Variants in ANKS1B observed in about 807,000 individuals in gnomAD.
The protein encoded by ANKS1B is ankyrin repeat and sterile alpha motif domain-containing protein 1B.
Under a neutral mutation model 148.3 loss-of-function variants are expected in ANKS1B, and 36 were observed. That is an observed-to-expected ratio of 0.24 (90% CI 0.19 to 0.32). The LOEUF (loss-of-function observed/expected upper bound fraction) is 0.32. ANKS1B is among the 10% of genes least tolerant of loss of function. ANKS1B has a pLI of 1.00. For missense variants in ANKS1B, 1,157 were observed against 1,542.6 expected, an observed-to-expected ratio of 0.75 and a Z score of 4.19; for synonymous variants, 542 against 560.8, an observed-to-expected ratio of 0.97 and a Z score of 0.47.
intron 9 of ANKS1B, among the ~76,000 whole-genome samples, chr12:99,608,379 G>T (rs2097867541): frequency 6.6e-6 from 1 of 152,054 alleles, no homozygotes; most frequent in Admixed American, 6.6e-5. Context: ...AACACCTGAG[G>T]CTTCTCTTAT....
intron 11 of ANKS1B, among the ~76,000 whole-genome samples, chr12:99,423,880 T>A (rs1032564637): frequency 6.6e-6 from 1 of 152,116 alleles, no homozygotes; most frequent in African/African-American, 2.4e-5. Flanking sequence ...GAAAAATAGC[T>A]AATGGGTACT....
chr12:99,741,892 A>G (rs2060148903), intron 8 of ANKS1B, among the ~76,000 whole-genome samples: 1 of 152,096 alleles, frequency 6.6e-6, no homozygotes. Context: ...AAGTATAATG[A>G]AAATAAATAA....
At position 99,649,386 on chromosome 12, in the gene ANKS1B, A is replaced by G. The variant is rs1478343527; in HGVS notation, c.1272+5681T>C. 6 of 1,613,424 alleles carry G rather than the reference A, an allele frequency of 3.7e-6. No individual in the cohort carries two copies. The East Asian group carries it at 1.1e-4, about 30-fold the overall frequency. ...TTGGGTCCACCTATTGTGATTATAC[A>G]ATAGAGATATGAATCCAACATACCT... On this transcript the variant is annotated intron_variant, in intron 9 of 26. Transcript: ENST00000683438.
intron 1 of ANKS1B, among the ~76,000 whole-genome samples, chr12:99,919,779 TAA>T (rs61076587): frequency 9.7e-5 from 13 of 134,486 alleles, no homozygotes; most frequent in African/African-American, 2.7e-4. Context: ...GCTGCAGAGT[TAA>T]AAAAAAAAAA....
intron 12 of ANKS1B, among the ~76,000 whole-genome samples, chr12:99,374,227 T>C (rs748085892): frequency 4.2e-4 from 64 of 152,306 alleles, no homozygotes; most frequent in Admixed American, 9.8e-4. Flanking sequence ...TAATGTTGTT[T>C]CATTCAAATG....
chr12:99,425,877 A>G (rs1553265), intron 11 of ANKS1B, among the ~76,000 whole-genome samples: 1 of 148,760 alleles, frequency 6.7e-6, no homozygotes, highest in Non-Finnish European at 1.5e-5. Flanking sequence ...CTATTTTAAT[A>G]AAGTTTTTTT....
chr12:99,942,622 C>T (rs1201490006), intron 1 of ANKS1B, among the ~76,000 whole-genome samples: 1 of 151,906 alleles, frequency 6.6e-6, no homozygotes, highest in Non-Finnish European at 1.5e-5. Flanking sequence ...CAGGAAAGAG[C>T]AGAGATAGAA....
chr12:99,596,810 G>A (rs780867476), intron 9 of ANKS1B, among the ~76,000 whole-genome samples: 2 of 151,692 alleles, frequency 1.3e-5, no homozygotes, highest in African/African-American at 2.4e-5. Flanking sequence ...ATTTCACTAC[G>A]CTACTTTTAC....
chr12:98,873,657 A>G (rs2099678791), intron 17 of ANKS1B, among the ~76,000 whole-genome samples: 1 of 152,186 alleles, frequency 6.6e-6, no homozygotes, highest in Non-Finnish European at 1.5e-5. Flanking sequence ...TCAAAGGGGC[A>G]ACTGCTCTGA....
chr12:99,727,860 GA>G (rs2058763796), intron 8 of ANKS1B, among the ~76,000 whole-genome samples: 1 of 152,040 alleles, frequency 6.6e-6, no homozygotes, highest in Admixed American at 6.5e-5. Context: ...TCTGATCTTT[GA>G]CAAACCTGAC....
intron 15 of ANKS1B, among the ~76,000 whole-genome samples, chr12:99,087,607 G>A (rs562645981): frequency 1.7e-4 from 26 of 152,158 alleles, no homozygotes; most frequent in Admixed American, 1.7e-3. Flanking sequence ...TGGCATGAGC[G>A]AGATATGTGA....
At chr12:99,128,023 A>G (rs1230628829) in intron 15 of ANKS1B, among the ~76,000 whole-genome samples, 1 of 152,220 alleles carries the variant, frequency 6.6e-6, no homozygotes, top group Non-Finnish European at 1.5e-5. Flanking sequence ...AGTTGGTTGA[A>G]CGACCTTGGG....
At chr12:99,296,664 G>A (rs2080910224) in intron 12 of ANKS1B, among the ~76,000 whole-genome samples, 1 of 151,894 alleles carries the variant, frequency 6.6e-6, no homozygotes, top group Non-Finnish European at 1.5e-5. Flanking sequence ...TGTTTATTTT[G>A]TTGCTTATTA....
At chr12:99,674,620 G>T (rs890484954) in intron 8 of ANKS1B, among the ~76,000 whole-genome samples, 1 of 151,594 alleles carries the variant, frequency 6.6e-6, no homozygotes, top group Non-Finnish European at 1.5e-5. Context: ...AAAATAAGTG[G>T]ATTACTCAAT....
At position 99,074,310 on chromosome 12, in the gene ANKS1B, C is replaced by T. The variant is rs942634589; in HGVS notation, c.2625+10615G>A. 2.7e-5 allele frequency among the ~76,000 whole-genome samples: 4 copies of T among 150,126 alleles called. No homozygotes were observed. In the East Asian group the frequency reaches 5.9e-4, roughly 22 times the overall value. On this transcript the variant is annotated intron_variant, in intron 16 of 26. Coordinates refer to ENST00000683438, the MANE Select transcript of ANKS1B (RefSeq NM_001352186.2). ...TCAGCTCTGTGGTCTACATAATAAA[C>T]GATTCCAAGATAAATTCTTAAAAAA...
chr12:98,902,149 T>A (rs2099773002), intron 17 of ANKS1B, among the ~76,000 whole-genome samples: 1 of 152,222 alleles, frequency 6.6e-6, no homozygotes. Context: ...CTGAGACCCA[T>A]CTGCCCCAGT....
chr12:99,137,241 G>A (rs989601008), intron 15 of ANKS1B, among the ~76,000 whole-genome samples: 3 of 152,140 alleles, frequency 2.0e-5, no homozygotes, highest in Admixed American at 6.5e-5. Context: ...TCAATAAAAC[G>A]CTTTCTAACA....
At position 98,829,558 on chromosome 12, in the gene ANKS1B, T is replaced by G. The variant is rs2099277570; in HGVS notation, c.2887-205A>C. Among the ~76,000 whole-genome samples, 1 of 152,164 alleles carries G rather than the reference T, an allele frequency of 6.6e-6. No homozygotes were observed. The highest frequency in any genetic ancestry group is 2.1e-4 in the South Asian group (1 of 4,824). ...CCCTAAGTATTTCAGGTCAAAGGTCTGAAATATCAAGAGTCAGGTTCTGTT... is the reference window on the plus strand; with the variant it reads ...CCCTAAGTATTTCAGGTCAAAGGTCGGAAATATCAAGAGTCAGGTTCTGTT... On this transcript the variant is annotated intron_variant, in intron 18 of 26. Coordinates refer to ENST00000683438, the MANE Select transcript of ANKS1B (RefSeq NM_001352186.2). The surrounding 1 kb of genome is among the most constrained non-coding windows in gnomAD (Gnocchi z 5.2).
At chr12:99,215,833 G>A (rs2084085115) in intron 14 of ANKS1B, among the ~76,000 whole-genome samples, 1 of 152,186 alleles carries the variant, frequency 6.6e-6, no homozygotes, top group African/African-American at 2.4e-5. Flanking sequence ...ACTTTGGACT[G>A]TGGACTTTTG....
Sources: allele counts gnomAD v4.1 joint callset (sites outside exome capture counted in the v4.1 genomes callset), GRCh38; gene constraint gnomAD v4.1.1; non-coding constraint Gnocchi (gnomAD v3.1); transcripts MANE v1.5; gene names NCBI Gene and HGNC (gene_info 2026-07-23, HGNC 2026-07-21).